The following SPOPL variants were observed in gnomAD, a reference collection of about 807,000 sequenced individuals.
SPOPL encodes speckle type BTB/POZ protein like.
SPOPL carries 23 observed loss-of-function variants against 53.8 expected under a neutral mutation model. The observed-to-expected ratio is 0.43, with a 90% CI of 0.31 to 0.61. SPOPL has a LOEUF of 0.61. Among genes scored for constraint, SPOPL ranks in the 20% least tolerant of loss-of-function variants. SPOPL has a pLI of 0.12. For synonymous variants in SPOPL, 164 were observed against 149.7 expected (o/e 1.10, Z -0.70); for missense variants, 442 against 466.9 (o/e 0.95, Z 0.49).
At chr2:138,546,505 G>A (rs1685198662) in intron 1 of SPOPL, among the ~76,000 whole-genome samples, 1 of 152,168 alleles carries the variant, frequency 6.6e-6, no homozygotes, top group Admixed American at 6.5e-5. Context: ...CACTGAAGTG[G>A]ACTTTGGGAG....
chr2:138,545,699 A>G (rs1419877040), intron 1 of SPOPL, among the ~76,000 whole-genome samples: 1 of 151,956 alleles, frequency 6.6e-6, no homozygotes, highest in Non-Finnish European at 1.5e-5. Flanking sequence ...TCGGCCTCCC[A>G]AAGTGCTGGG....
At chr2:138,567,450 A>G (rs1685688948) in intron 10 of SPOPL, among the ~76,000 whole-genome samples, 1 of 143,004 alleles carries the variant, frequency 7.0e-6, no homozygotes, top group African/African-American at 2.6e-5. Flanking sequence ...GCGGGGAGGT[A>G]GTTAATGAGA....
At chr2:138,512,531 A>T (rs866132130) in intron 1 of SPOPL, among the ~76,000 whole-genome samples, 15 of 152,220 alleles carry the variant, frequency 9.9e-5, no homozygotes, top group South Asian at 4.1e-4. Flanking sequence ...ATACCGAGAC[A>T]GTTTTTGTAA....
chr2:138,561,974 C>T (rs532685738), intron 8 of SPOPL, among the ~76,000 whole-genome samples: 2 of 152,106 alleles, frequency 1.3e-5, no homozygotes, highest in South Asian at 4.2e-4. Context: ...ATGTATCTCC[C>T]TGTTTCTACA....
chr2:138,561,106 G>A (rs973946390), intron 8 of SPOPL, among the ~76,000 whole-genome samples, 179 bp downstream of exon 8: 4 of 152,110 alleles, frequency 2.6e-5, no homozygotes, highest in African/African-American at 9.7e-5. Flanking sequence ...GTCATGATGT[G>A]AAAGTATCTT....
intron 1 of SPOPL, among the ~76,000 whole-genome samples, chr2:138,515,504 CTTG>C (rs1218478807): frequency 6.6e-6 from 1 of 152,120 alleles, no homozygotes; most frequent in Middle Eastern, 3.2e-3. Context: ...TGTCTAATTT[CTTG>C]TTATTTGTGG....
chr2:138,541,339 T>G (rs1685067345), intron 1 of SPOPL, among the ~76,000 whole-genome samples: 1 of 152,230 alleles, frequency 6.6e-6, no homozygotes, highest in Non-Finnish European at 1.5e-5. Context: ...TCCTTGTACC[T>G]CTGGTAGAAT....
At chr2:138,520,576 GTTCAAA>G (rs1434783445) in intron 1 of SPOPL, among the ~76,000 whole-genome samples, 2 of 152,204 alleles carry the variant, frequency 1.3e-5, no homozygotes, top group African/African-American at 4.8e-5. Context: ...CTGAGAGCTA[GTTCAAA>G]TTATGAGGTT....
At chr2:138,520,355 T>G (rs1232846325) in intron 1 of SPOPL, among the ~76,000 whole-genome samples, 1 of 152,178 alleles carries the variant, frequency 6.6e-6, no homozygotes, top group African/African-American at 2.4e-5. Context: ...ATTAAGAGTA[T>G]CTGGATGATC....
chr2:138,520,170 A>G (rs1309796107), intron 1 of SPOPL, among the ~76,000 whole-genome samples: 1 of 152,252 alleles, frequency 6.6e-6, no homozygotes, highest in African/African-American at 2.4e-5. Context: ...TCAAAAATGT[A>G]TACTTTTCTA....
rs114402932 is a variant in SPOPL, at chr2:138,546,744, T to C, written c.-60-3413T>C. Among the ~76,000 whole-genome samples, 833 of 152,308 alleles carry C rather than the reference T, an allele frequency of 5.5e-3. 8 individuals carry two copies. The highest frequency in any genetic ancestry group is 0.019 in the African/African-American group (802 of 41,570). ...TTTCTAATTACTTTAAAGTAAGCTT[T>C]CTAAACGCTTTTCTCATCATTAAGA... is the stretch of plus-strand genomic sequence containing the variant. On this transcript the variant is annotated intron_variant, in intron 1 of 10. Coordinates refer to ENST00000280098, the MANE Select transcript of SPOPL (RefSeq NM_001001664.3).
At chr2:138,514,745 A>G (rs1558861925) in intron 1 of SPOPL, among the ~76,000 whole-genome samples, 2 of 152,144 alleles carry the variant, frequency 1.3e-5, no homozygotes, top group Non-Finnish European at 2.9e-5. Context: ...TCACTGGGTC[A>G]TATGTGTGCC....
At position 138,559,272 on chromosome 2, in the gene SPOPL, C is replaced by T. The variant is rs1685493620; in HGVS notation, c.659-10C>T. On this transcript the variant is annotated splice_polypyrimidine_tract_variant and intron_variant, in intron 6 of 10. Coordinates refer to ENST00000280098, the MANE Select transcript of SPOPL (RefSeq NM_001001664.3). Reference sequence around the variant, plus strand: ...TATGCATAAAATAATGATACATAATCTTGTTACAGCTCGATCTCCAGTTTT... The same window carrying T: ...TATGCATAAAATAATGATACATAATTTTGTTACAGCTCGATCTCCAGTTTT... 6.2e-7 allele frequency: 1 copy of T among 1,612,646 alleles called. No individual in the cohort carries two copies. Among genetic ancestry groups the T allele is most frequent in the East Asian group, 2.2e-5 (1 of 44,772 alleles).
At position 138,569,209 on chromosome 2, in the gene SPOPL, A is replaced by G; in HGVS notation, c.*129A>G. ...TCCACAGAACAGAAGCTGAAAAAGC[A>G]TATTGCTTGCATTTCAGGTGGATAA... On this transcript the variant is annotated 3_prime_UTR_variant, in exon 11 of 11. Transcript: ENST00000280098. 1 of 1,032,232 alleles carries G rather than the reference A, an allele frequency of 9.7e-7. No homozygotes were observed. The highest frequency in any genetic ancestry group is 1.4e-6 in the Non-Finnish European group (1 of 706,574). 63.9% of individuals were successfully genotyped at this position (1,032,232 alleles called of 1,614,324 possible). A position where few individuals can be genotyped will look rare whatever the true frequency, so the allele number is the denominator to read the frequency against.
chr2:138,549,059 T>C (rs556994257), intron 1 of SPOPL, among the ~76,000 whole-genome samples: 12 of 152,244 alleles, frequency 7.9e-5, no homozygotes, highest in African/African-American at 2.9e-4. Context: ...GCTAGTTGTT[T>C]TACACTGCTG....
intron 1 of SPOPL, among the ~76,000 whole-genome samples, chr2:138,544,097 T>C (rs145486967): frequency 0.011 from 1,654 of 152,294 alleles, 34 homozygotes; most frequent in African/African-American, 0.037. Context: ...TCTGGAAGTT[T>C]TGTCTCAGAG....
chr2:138,566,394 CA>C (rs999111757), intron 10 of SPOPL, among the ~76,000 whole-genome samples: 19 of 151,382 alleles, frequency 1.3e-4, no homozygotes, highest in Non-Finnish European at 1.5e-4. Context: ...TTTTCAGTGT[CA>C]AAAAAAATAG....
intron 1 of SPOPL, among the ~76,000 whole-genome samples, chr2:138,538,787 G>T (rs1421992810): frequency 6.6e-6 from 1 of 150,574 alleles, no homozygotes; most frequent in Non-Finnish European, 1.5e-5. Flanking sequence ...TAGGGTTCAT[G>T]TGCACAACGT....
intron 1 of SPOPL, 37 bp from the exon 2 acceptor site, chr2:138,550,120 C>A: frequency 5.5e-6 from 6 of 1,082,886 alleles, no homozygotes; most frequent in Admixed American, 2.0e-5. Context: ...GTCGTTTAAA[C>A]TTTTTAATCA....
Sources: allele counts gnomAD v4.1 joint callset (sites outside exome capture counted in the v4.1 genomes callset), GRCh38; gene constraint gnomAD v4.1.1; transcripts MANE v1.5; gene names NCBI Gene and HGNC (gene_info 2026-07-23, HGNC 2026-07-21).